HS6ST1: variants seen among roughly 807,000 people sequenced by gnomAD.
The protein encoded by HS6ST1 is heparan-sulfate 6-O-sulfotransferase 1.
HS6ST1 carries 3 observed loss-of-function variants against 25.2 expected under a neutral mutation model. The observed-to-expected ratio is 0.12, with a 90% confidence interval of 0.05 to 0.31. The LOEUF is 0.31. HS6ST1 is among the 10% of genes least tolerant of loss of function. The pLI is 1.00. For synonymous variants in HS6ST1, 204 were observed against 275.1 expected (o/e 0.74, Z 2.56); for missense variants, 310 against 609.6 (o/e 0.51, Z 5.18).
In HS6ST1 at chr2:128,268,533, C is replaced by A. The variant is rs1448041578; in HGVS notation, c.865G>T (p.Ala289Ser). The change falls in exon 2 of 2, where the codon GCC becomes TCC. Residue 289 changes from alanine (A) to serine (S), a missense_variant. By Grantham distance (99) the Ala-to-Ser change is moderately conservative (BLOSUM62 1). Coordinates refer to ENST00000259241, the MANE Select transcript of HS6ST1 (RefSeq NM_004807.3). ...ESAKKNLRGM[A>S]FFGLTEFQRK... ...TGGAACTCGGTCAGGCCGAAGAAGG[C>A]CATGCCCCGCAGGTTCTTCTTGGCG... 6 of 1,601,996 alleles carry A rather than the reference C, an allele frequency of 3.7e-6. No individual in the cohort carries two copies. Among genetic ancestry groups the A allele is most frequent in the Non-Finnish European group, 5.1e-6 (6 of 1,173,754 alleles).
At chr2:128,316,214 G>A (rs978416630) in intron 1 of HS6ST1, among the ~76,000 whole-genome samples, 1 of 152,238 alleles carries the variant, frequency 6.6e-6, no homozygotes, top group African/African-American at 2.4e-5. Flanking sequence ...ACCCACAGGC[G>A]TGCGGGGCTG....
intron 1 of HS6ST1, among the ~76,000 whole-genome samples, chr2:128,306,378 C>G (rs996298463): frequency 6.6e-6 from 1 of 152,152 alleles, no homozygotes; most frequent in East Asian, 1.9e-4. Flanking sequence ...GCTCCACAGC[C>G]TGGCTCCCTG....
chr2:128,293,615 G>A (rs1041523242), intron 1 of HS6ST1, among the ~76,000 whole-genome samples: 2 of 152,230 alleles, frequency 1.3e-5, no homozygotes, highest in African/African-American at 4.8e-5. Flanking sequence ...CCAGGGGCTG[G>A]TATGGCCTGG....
At chr2:128,279,605 G>T (rs551952535) in intron 1 of HS6ST1, among the ~76,000 whole-genome samples, 63 of 152,226 alleles carry the variant, frequency 4.1e-4, no homozygotes, top group African/African-American at 1.4e-3. Flanking sequence ...CATGAAGGTT[G>T]CATCTCAGTG....
chr2:128,282,003 G>A (rs1392349242), intron 1 of HS6ST1, among the ~76,000 whole-genome samples: 3 of 152,208 alleles, frequency 2.0e-5, no homozygotes, highest in Non-Finnish European at 4.4e-5. Context: ...GTGACTGACT[G>A]AAGAGAACTA....
At position 128,318,389 on chromosome 2, in the gene HS6ST1, T is replaced by A; in HGVS notation, c.175A>T (p.Thr59Ser). 6 of 1,604,620 alleles carry A rather than the reference T, an allele frequency of 3.7e-6. No individual in the cohort carries two copies. The highest frequency in any genetic ancestry group is 5.1e-6 in the Non-Finnish European group (6 of 1,176,858). Residue 59 changes from threonine to serine, a missense_variant, in exon 1 of 2, where the codon ACA becomes TCA. Transcript: ENST00000259241. This position sits in a 1 kb window ranked among gnomAD's most constrained non-coding sequence, Gnocchi z 5.7. ...APPDDLDLFP[T>S]PDPHYEKKYY... The stretch of plus-strand genomic sequence containing the variant: ...TTCTTCTCGTAGTGGGGGTCGGGTG[T>A]GGGGAACAGGTCCAGGTCGTCGGGC...
chr2:128,303,791 G>A (rs1406369891), intron 1 of HS6ST1, among the ~76,000 whole-genome samples: 1 of 152,254 alleles, frequency 6.6e-6, no homozygotes, highest in East Asian at 1.9e-4. Flanking sequence ...ACTTTTAGGT[G>A]TCAACTTCAC....
intron 1 of HS6ST1, among the ~76,000 whole-genome samples, chr2:128,285,149 C>G (rs75808943): frequency 0.025 from 3,793 of 152,310 alleles, 79 homozygotes; most frequent in Non-Finnish European, 0.038. Flanking sequence ...GGGCAGCAGT[C>G]CCCATCTAGC....
At chr2:128,273,535 C>A (rs962676122) in intron 1 of HS6ST1, among the ~76,000 whole-genome samples, 4 of 152,208 alleles carry the variant, frequency 2.6e-5, no homozygotes, top group Non-Finnish European at 5.9e-5. Context: ...GCCGGTGGGA[C>A]TCTTTAGGAG....
intron 1 of HS6ST1, among the ~76,000 whole-genome samples, chr2:128,307,263 G>A (rs189689479): frequency 7.2e-4 from 110 of 152,272 alleles, no homozygotes; most frequent in Admixed American, 1.6e-3. Flanking sequence ...GCCCTGGGGG[G>A]TGCACGCTGC....
intron 1 of HS6ST1, among the ~76,000 whole-genome samples, chr2:128,287,014 C>A (rs1357487567): frequency 6.6e-6 from 1 of 152,232 alleles, no homozygotes; most frequent in Non-Finnish European, 1.5e-5. Flanking sequence ...AGGCCCCACA[C>A]TGGGGGAAGC....
intron 1 of HS6ST1, among the ~76,000 whole-genome samples, chr2:128,291,787 C>A (rs1024914374): frequency 2.0e-5 from 3 of 152,234 alleles, no homozygotes; most frequent in African/African-American, 7.2e-5. Context: ...CGGAGGCAAC[C>A]CAGCAAGGAT....
At chr2:128,282,604 G>A (rs1221549229) in intron 1 of HS6ST1, among the ~76,000 whole-genome samples, 7 of 152,248 alleles carry the variant, frequency 4.6e-5, no homozygotes, top group East Asian at 1.9e-4. Context: ...AGGGCATGTC[G>A]GGGGCAGGCC....
intron 1 of HS6ST1, among the ~76,000 whole-genome samples, chr2:128,317,284 G>A (rs934214602): frequency 6.6e-6 from 1 of 152,250 alleles, no homozygotes; most frequent in African/African-American, 2.4e-5. Context: ...AAGGGGTGTG[G>A]CAGCACAGGT....
chr2:128,289,371 A>C (rs1693914537), intron 1 of HS6ST1, among the ~76,000 whole-genome samples: 1 of 152,092 alleles, frequency 6.6e-6, no homozygotes, highest in Non-Finnish European at 1.5e-5. Context: ...TGCTCATTTT[A>C]TTCCTGCAAC....
intron 1 of HS6ST1, among the ~76,000 whole-genome samples, chr2:128,309,896 G>C (rs1694262710): frequency 6.6e-6 from 1 of 152,218 alleles, no homozygotes; most frequent in Admixed American, 6.5e-5. Flanking sequence ...AGTGGCCATG[G>C]CTCCCATAAG....
intron 1 of HS6ST1, among the ~76,000 whole-genome samples, chr2:128,284,742 C>T (rs1438822088): frequency 6.6e-6 from 1 of 152,210 alleles, no homozygotes; most frequent in East Asian, 1.9e-4. Flanking sequence ...CCTGCCTCAG[C>T]CTCCCAAAGT....
chr2:128,292,804 G>C (rs990450625), intron 1 of HS6ST1, among the ~76,000 whole-genome samples: 1 of 152,122 alleles, frequency 6.6e-6, no homozygotes, highest in Non-Finnish European at 1.5e-5. Flanking sequence ...AGGGCAGCAG[G>C]AAGGGCAGGC....
At chr2:128,303,783 T>G (rs918389414) in intron 1 of HS6ST1, among the ~76,000 whole-genome samples, 1 of 152,250 alleles carries the variant, frequency 6.6e-6, no homozygotes, top group Non-Finnish European at 1.5e-5. Flanking sequence ...TGGTGGCTAC[T>G]TTTAGGTGTC....
Sources: gnomAD v4.1 joint callset for allele counts (sites outside exome capture counted in the v4.1 genomes callset) on GRCh38, gnomAD v4.1.1 for gene constraint, Gnocchi (gnomAD v3.1) non-coding constraint, MANE v1.5 for transcripts, NCBI Gene and HGNC (gene_info 2026-07-23, HGNC 2026-07-21) for gene names.